The following PTGFRN variants were observed in gnomAD, a reference collection of about 807,000 sequenced individuals.
The protein encoded by PTGFRN is prostaglandin F2 receptor inhibitor.
Under a neutral mutation model 83.2 loss-of-function variants are expected in PTGFRN, and 35 were observed. That is an observed-to-expected ratio of 0.42 (90% CI 0.32 to 0.56). The LOEUF (loss-of-function observed/expected upper bound fraction) is 0.56, where lower values mean the gene tolerates loss of function less well. PTGFRN is among the 20% of genes least tolerant of loss of function. The probability of loss-of-function intolerance (pLI) is 0.11; values close to 1 mark genes in which losing one functional copy is unlikely to be tolerated. For missense variants in PTGFRN, 1,051 were observed against 1,179.5 expected, an observed-to-expected ratio of 0.89 and a Z score of 1.60; for synonymous variants, 519 against 498.6, an observed-to-expected ratio of 1.04 and a Z score of -0.55.
In PTGFRN at chr1:116,960,126, A is replaced by G. The variant is rs1054196658; in HGVS notation, c.1214-1117A>G. ...CAAAGAGTCATTGTGGAGTGGGCTA[A>G]CTGGCATACAAAAGTGCATAGATGG... On this transcript the variant is annotated intron_variant, in intron 4 of 8. Coordinates refer to ENST00000393203, the MANE Select transcript of PTGFRN (RefSeq NM_020440.4). Among the ~76,000 whole-genome samples the G allele has an allele frequency of 2.0e-5, 3 of 152,212 alleles. No individual in the cohort carries two copies. In the East Asian group the frequency reaches 5.8e-4, roughly 29 times the overall value.
At chr1:116,913,248 A>G (rs1265970531) in intron 1 of PTGFRN, among the ~76,000 whole-genome samples, 1 of 152,250 alleles carries the variant, frequency 6.6e-6, no homozygotes, top group Non-Finnish European at 1.5e-5. Flanking sequence ...GTTTTGCTGA[A>G]GAAGTGACAT....
chr1:116,921,094 G>A (rs925065188), intron 1 of PTGFRN, among the ~76,000 whole-genome samples: 12 of 152,240 alleles, frequency 7.9e-5, no homozygotes, highest in African/African-American at 1.2e-4. Flanking sequence ...GAAAGTCTAT[G>A]TGTTATAGAA....
At chr1:116,970,617 C>T (rs1015631534) in intron 6 of PTGFRN, among the ~76,000 whole-genome samples, 1 of 152,124 alleles carries the variant, frequency 6.6e-6, no homozygotes, top group Non-Finnish European at 1.5e-5. Context: ...CTGTAGCTTC[C>T]AGGTTGAATA....
chr1:116,937,488 G>A (rs888072408), intron 1 of PTGFRN, among the ~76,000 whole-genome samples: 1 of 152,202 alleles, frequency 6.6e-6, no homozygotes, highest in Non-Finnish European at 1.5e-5. Flanking sequence ...TGGCTGATGG[G>A]TTGATTTTGT....
chr1:116,983,559 AAG>A (rs1458389312), intron 7 of PTGFRN, among the ~76,000 whole-genome samples: 1 of 151,904 alleles, frequency 6.6e-6, no homozygotes, highest in Non-Finnish European at 1.5e-5. Context: ...ATGGGAGAAA[AAG>A]AGAAGATATT....
In PTGFRN at chr1:116,989,828, C is replaced by T. The variant is rs1219862083; in HGVS notation, c.*2861C>T. On this transcript the variant is annotated 3_prime_UTR_variant, in exon 9 of 9. Transcript: ENST00000393203. ...AAAATGTATTTATTTGAGTGTCTTT[C>T]CCCCCCTCACCCTCACCATCTGAGG... The T allele has an allele frequency of 6.6e-6, 1 of 152,438 alleles. No individual in the cohort carries two copies. The highest frequency in any genetic ancestry group is 1.9e-4 in the East Asian group (1 of 5,182). 9.4% of individuals were successfully genotyped at this position (152,438 alleles called of 1,614,324 possible).
chr1:116,985,557 A>C (rs987763037), intron 8 of PTGFRN, among the ~76,000 whole-genome samples: 26 of 152,166 alleles, frequency 1.7e-4, no homozygotes, highest in Middle Eastern at 3.4e-3. Context: ...AAGAAAAACA[A>C]AATTAGCCAG....
Position 116,910,221 on chromosome 1 carries a change from G to A in PTGFRN, c.18G>A (p.Ser6=). The A allele has an allele frequency of 1.4e-6, 2 of 1,460,882 alleles. No homozygotes were observed. Among genetic ancestry groups the A allele is most frequent in the Non-Finnish European group, 1.8e-6 (2 of 1,113,178 alleles). The allele number at this position is 1,460,882 out of a possible 1,614,324, so 90.5% of individuals were successfully genotyped here. A position where few individuals can be genotyped will look rare whatever the true frequency, so the allele number is the denominator to read the frequency against. MGRLA[S]RPLLLALLSL... ...GGGCGAGCATGGGGCGCCTGGCCTC[G>A]AGGCCGCTGCTGCTGGCGCTCCTGT... Residue 6 remains serine, a synonymous_variant, in exon 1 of 9, where the codon TCG becomes TCA. Coordinates refer to ENST00000393203, the MANE Select transcript of PTGFRN (RefSeq NM_020440.4).
At chr1:116,965,025 A>G (rs1174140068) in intron 5 of PTGFRN, among the ~76,000 whole-genome samples, 3 of 152,180 alleles carry the variant, frequency 2.0e-5, no homozygotes, top group Non-Finnish European at 2.9e-5. Flanking sequence ...TCTCACTCAG[A>G]GCAAAACCCA....
Position 116,910,146 on chromosome 1 carries a change from A to C in PTGFRN, c.-58A>C, listed in dbSNP as rs1404649182. On this transcript the variant is annotated 5_prime_UTR_variant, in exon 1 of 9. Transcript: ENST00000393203. ...GAGCAGCCGGAGCTGGAAGAGGAGG[A>C]GGAGGAGAGGCGGCGGGGAAGGAGG... The C allele has an allele frequency of 1.3e-6, 2 of 1,498,448 alleles. No homozygotes were observed. Among genetic ancestry groups the C allele is most frequent in the Non-Finnish European group, 1.8e-6 (2 of 1,121,520 alleles). 92.8% of individuals were successfully genotyped at this position (1,498,448 alleles called of 1,614,324 possible). A position where few individuals can be genotyped will look rare whatever the true frequency, so the allele number is the denominator to read the frequency against.
intron 4 of PTGFRN, among the ~76,000 whole-genome samples, chr1:116,953,439 G>A (rs1231064059): frequency 6.6e-6 from 1 of 152,172 alleles, no homozygotes; most frequent in African/African-American, 2.4e-5. Context: ...ACATGTGTTA[G>A]TCCTCCTTCT....
At chr1:116,955,288 G>A (rs893953155) in intron 4 of PTGFRN, among the ~76,000 whole-genome samples, 19 of 152,202 alleles carry the variant, frequency 1.2e-4, no homozygotes, top group African/African-American at 4.6e-4. Flanking sequence ...TGCTGCACTT[G>A]GACTGGCCTC....
rs551868133 is a variant in PTGFRN, at chr1:116,944,006, G to A, written c.419-673G>A. Among the ~76,000 whole-genome samples the A allele has an allele frequency of 5.9e-5, 9 of 152,194 alleles. 1 individual carries two copies. In the South Asian group the frequency reaches 1.9e-3, roughly 32 times the overall value. ...CTGAGTACACCACCCATACTTCCTT[G>A]ATCGCCGTCCCCTTTTTCTAGACTC... On this transcript the variant is annotated intron_variant, in intron 2 of 8. Transcript: ENST00000393203.
At chr1:116,932,184 G>A (rs1242265923) in intron 1 of PTGFRN, among the ~76,000 whole-genome samples, 2 of 152,178 alleles carry the variant, frequency 1.3e-5, no homozygotes, top group African/African-American at 4.8e-5. Context: ...ATCAGAAGGA[G>A]GTGGAAAAGC....
chr1:116,958,975 G>A lies in PTGFRN; in HGVS notation c.1214-2268G>A, dbSNP rs1482212787. On this transcript the variant is annotated intron_variant, in intron 4 of 8. Transcript: ENST00000393203. The surrounding 1 kb of genome is among the most constrained non-coding windows in gnomAD (Gnocchi z 4.9). ...AGATAGTTGATGCTCAGTGTTCTGG[G>A]GCAGTCTTACCCTATGCACAGCTGG... 6.6e-6 allele frequency among the ~76,000 whole-genome samples: 1 copy of A among 152,182 alleles called. No homozygotes were observed. The highest frequency in any genetic ancestry group is 2.4e-5 in the African/African-American group (1 of 41,426).
chr1:116,916,722 G>A (rs1649415279), intron 1 of PTGFRN, among the ~76,000 whole-genome samples: 1 of 152,180 alleles, frequency 6.6e-6, no homozygotes, highest in Admixed American at 6.5e-5. Context: ...CCTAGCTTTG[G>A]AATGAGCTGT....
chr1:116,911,985 G>T (rs1422389131), intron 1 of PTGFRN, among the ~76,000 whole-genome samples: 1 of 152,206 alleles, frequency 6.6e-6, no homozygotes, highest in African/African-American at 2.4e-5. Context: ...TGTTCACTTT[G>T]TAGTCTGTGT....
intron 1 of PTGFRN, among the ~76,000 whole-genome samples, chr1:116,915,531 C>T (rs1649382800): frequency 6.6e-6 from 1 of 152,212 alleles, no homozygotes; most frequent in African/African-American, 2.4e-5. Context: ...TTAATGCCTG[C>T]CCTGGCTATA....
At chr1:116,915,722 GGT>G (rs1462184963) in intron 1 of PTGFRN, among the ~76,000 whole-genome samples, 1 of 152,198 alleles carries the variant, frequency 6.6e-6, no homozygotes, top group Non-Finnish European at 1.5e-5. Context: ...AGTTAAATAA[GGT>G]GTGTGCTTGT....
Sources: allele counts gnomAD v4.1 joint callset (sites outside exome capture counted in the v4.1 genomes callset), GRCh38; gene constraint gnomAD v4.1.1; non-coding constraint Gnocchi (gnomAD v3.1); transcripts MANE v1.5; gene names NCBI Gene and HGNC (gene_info 2026-07-23, HGNC 2026-07-21).